TTC34: variants seen among roughly 807,000 people sequenced by gnomAD.
TTC34 encodes the protein tetratricopeptide repeat protein 34.
TTC34 carries 44 observed loss-of-function variants against 40.7 expected under a neutral mutation model. The observed-to-expected ratio is 1.08, with a 90% CI of 0.85 to 1.39. The LOEUF is 1.39. Ranked by LOEUF, TTC34 falls within the 40% of genes most tolerant of loss-of-function variation. The pLI is 0.00. For missense variants in TTC34, 884 were observed against 838.0 expected, an observed-to-expected ratio of 1.05 and a Z score of -0.68; for synonymous variants, 422 against 398.6, an observed-to-expected ratio of 1.06 and a Z score of -0.70.
intron 6 of TTC34, among the ~76,000 whole-genome samples, chr1:2,656,138 C>G (rs1474924029): frequency 1.3e-5 from 2 of 152,284 alleles, no homozygotes; most frequent in African/African-American, 2.4e-5. Flanking sequence ...CCCACAGCCC[C>G]AGGTGAGCAT....
Position 2,752,056 on chromosome 1 carries a change from G to C in TTC34, c.2226+31553C>G. 1.7e-5 allele frequency among the ~76,000 whole-genome samples: 2 copies of C among 115,914 alleles called. 1 individual carries two copies. The highest frequency in any genetic ancestry group is 3.4e-5 in the Non-Finnish European group (2 of 58,330). 76.0% of individuals were successfully genotyped at this position (115,914 alleles called of 152,430 possible). On this transcript the variant is annotated intron_variant, in intron 6 of 8. Transcript: ENST00000401095. ...CGTGGAGCAGCACCGACACCCCCAG[G>C]CGAACATCTGAACGCACGGAGCAGC...
At chr1:2,783,761 C>G in exon 6 of TTC34, 1 of 1,515,034 alleles carries the variant, frequency 6.6e-7, no homozygotes, top group Non-Finnish European at 8.9e-7. Context: ...AGGAGGGACT[C>G]ACTTGCCTGG....
At chr1:2,688,189 C>A (rs201668744) in intron 6 of TTC34, among the ~76,000 whole-genome samples, 1 of 151,708 alleles carries the variant, frequency 6.6e-6, no homozygotes, top group African/African-American at 2.4e-5. Flanking sequence ...CATCGGACAG[C>A]CTGGAGCAGC....
intron 6 of TTC34, among the ~76,000 whole-genome samples, chr1:2,697,403 ACCC>A (rs2100396231): frequency 7.1e-6 from 1 of 141,144 alleles, no homozygotes; most frequent in Non-Finnish European, 1.6e-5. Flanking sequence ...AGCACCCTGC[ACCC>A]CAAGGAGAGC....
chr1:2,749,765 C>A lies in TTC34; in HGVS notation c.2226+33844G>T, dbSNP rs1205113786. On this transcript the variant is annotated intron_variant, in intron 6 of 8. Coordinates refer to ENST00000401095, the Ensembl canonical transcript of TTC34. ...TGACAGACTGGAACAGCTCCCACAC[C>A]CCCAGGCGAGCATCTGACAGCATGT... Among the ~76,000 whole-genome samples, 222 of 78,094 alleles carry A rather than the reference C, an allele frequency of 2.8e-3. 51 individuals carry two copies. Among genetic ancestry groups the A allele is most frequent in the African/African-American group, 0.014 (207 of 15,230 alleles). The allele number at this position is 78,094 out of a possible 152,430, so 51.2% of individuals were successfully genotyped here.
At chr1:2,684,721 A>G (rs1354583139) in intron 6 of TTC34, among the ~76,000 whole-genome samples, 7 of 122,036 alleles carry the variant, frequency 5.7e-5, no homozygotes, top group Non-Finnish European at 8.1e-5. Flanking sequence ...CCACACCCCC[A>G]GGCGAGCATC....
At chr1:2,791,088 CA>C (rs1240017764) in intron 2 of TTC34, among the ~76,000 whole-genome samples, 4 of 152,164 alleles carry the variant, frequency 2.6e-5, no homozygotes, top group African/African-American at 9.7e-5. Flanking sequence ...TCAGTGAGGT[CA>C]GGGGCAGCAT....
At chr1:2,648,800 C>CA (rs1326384129) in intron 6 of TTC34, among the ~76,000 whole-genome samples, 2 of 150,632 alleles carry the variant, frequency 1.3e-5, no homozygotes, top group East Asian at 4.0e-4. Flanking sequence ...CACCCACACT[C>CA]ACAGGTGAGT....
At chr1:2,685,496 A>G (rs1640292300) in intron 6 of TTC34, among the ~76,000 whole-genome samples, 2 of 130,240 alleles carry the variant, frequency 1.5e-5, no homozygotes, top group Non-Finnish European at 3.1e-5. Context: ...TGAGCATCTG[A>G]CACCATGGAG....
At chr1:2,657,501 C>T (rs1324715759) in intron 6 of TTC34, among the ~76,000 whole-genome samples, 1 of 97,402 alleles carries the variant, frequency 1.0e-5, no homozygotes, top group East Asian at 2.4e-4. Flanking sequence ...GCACCCACAA[C>T]CCCAGGCGAG....
intron 6 of TTC34, among the ~76,000 whole-genome samples, chr1:2,683,604 C>A (rs1337751785): frequency 1.4e-5 from 2 of 144,900 alleles, no homozygotes; most frequent in Non-Finnish European, 3.0e-5. Flanking sequence ...CTCAGGCGAG[C>A]ATCTGACATC....
intron 6 of TTC34, among the ~76,000 whole-genome samples, chr1:2,684,336 G>C (rs1190035927): frequency 1.3e-4 from 18 of 137,894 alleles, no homozygotes; most frequent in African/African-American, 4.9e-4. Flanking sequence ...GCATCTGATG[G>C]TTTGCAGCAG....
At chr1:2,653,248 C>G (rs564380953) in intron 6 of TTC34, among the ~76,000 whole-genome samples, 362 of 142,608 alleles carry the variant, frequency 2.5e-3, no homozygotes, top group Admixed American at 3.4e-3. Flanking sequence ...CACCCACATG[C>G]CCAGGTGAGC....
At chr1:2,695,754 A>C (rs1640833250) in intron 6 of TTC34, among the ~76,000 whole-genome samples, 2 of 150,822 alleles carry the variant, frequency 1.3e-5, no homozygotes, top group Admixed American at 6.6e-5. Context: ...CAGCACCCAC[A>C]CCCCCAGGTG....
At chr1:2,653,661 C>G in intron 6 of TTC34, among the ~76,000 whole-genome samples, 1 of 151,604 alleles carries the variant, frequency 6.6e-6, no homozygotes, top group African/African-American at 2.4e-5. Context: ...CCCAGGCGAG[C>G]ATCTGACAGC....
intron 4 of TTC34, among the ~76,000 whole-genome samples, chr1:2,786,592 G>A (rs58996289): frequency 0.017 from 2,596 of 152,266 alleles, 60 homozygotes; most frequent in African/African-American, 0.058. Context: ...TGGAGACTCC[G>A]CCCCAGTGGG....
intron 6 of TTC34, among the ~76,000 whole-genome samples, chr1:2,768,611 G>A (rs1304198347): frequency 1.3e-4 from 19 of 151,884 alleles, no homozygotes; most frequent in Admixed American, 1.2e-3. Flanking sequence ...GCCTGGAATG[G>A]TACCCCACAT....
At position 2,760,475 on chromosome 1, in the gene TTC34, C is replaced by A. The variant is rs1195585542; in HGVS notation, c.2226+23134G>T. 5.0e-5 allele frequency among the ~76,000 whole-genome samples: 2 copies of A among 40,224 alleles called. 1 individual carries two copies. The highest frequency in any genetic ancestry group is 5.7e-4 in the Admixed American group (2 of 3,526). The allele number at this position is 40,224 out of a possible 152,430, so 26.4% of individuals were successfully genotyped here. ...GGCGAGAATCTGACAGCCTGGAACA[C>A]CACCCACATCCGCAGGTGAGCATCT... On this transcript the variant is annotated intron_variant, in intron 6 of 8. Coordinates refer to ENST00000401095, the Ensembl canonical transcript of TTC34.
At chr1:2,688,013 G>T (rs1216261404) in intron 6 of TTC34, among the ~76,000 whole-genome samples, 1 of 125,506 alleles carries the variant, frequency 8.0e-6, no homozygotes, top group African/African-American at 3.6e-5. Flanking sequence ...ACACCCCCAG[G>T]CGAGCATCTG....
Sources: gnomAD v4.1 joint callset for allele counts (sites outside exome capture counted in the v4.1 genomes callset) on GRCh38, gnomAD v4.1.1 for gene constraint, MANE v1.5 for transcripts, NCBI Gene and HGNC (gene_info 2026-07-23, HGNC 2026-07-21) for gene names.